Variants in PRR5L observed in about 807,000 individuals in gnomAD.
PRR5L encodes proline rich 5 like, also known as proline-rich protein 5-like.
In PRR5L, 21 loss-of-function variants were observed where a neutral mutation model predicts 36.4. That is an observed-to-expected ratio of 0.58 (90% confidence interval 0.41 to 0.83). PRR5L has a LOEUF of 0.83. Among genes scored for constraint, PRR5L ranks in the 40% least tolerant of loss-of-function variants. The pLI, the probability that PRR5L is intolerant of heterozygous loss-of-function variation, is 0.00. For missense variants in PRR5L, 381 were observed against 473.3 expected, an observed-to-expected ratio of 0.80 and a Z score of 1.81; for synonymous variants, 188 against 197.0, an observed-to-expected ratio of 0.95 and a Z score of 0.38.
At chr11:36,390,168 G>A (rs2133541785) in intron 1 of PRR5L, among the ~76,000 whole-genome samples, 1 of 152,336 alleles carries the variant, frequency 6.6e-6, no homozygotes, top group East Asian at 1.9e-4. Context: ...CTCTGGGGTG[G>A]TGGAACCTAA....
chr11:36,371,674 G>T (rs1029423806), intron 1 of PRR5L, among the ~76,000 whole-genome samples: 9 of 152,194 alleles, frequency 5.9e-5, no homozygotes, highest in Admixed American at 5.9e-4. Flanking sequence ...AGACACTAGG[G>T]TTATTGTGGA....
intron 1 of PRR5L, chr11:36,376,341 A>C (rs1857259385): frequency 3.1e-6 from 3 of 979,448 alleles, no homozygotes; most frequent in African/African-American, 2.4e-5. Context: ...GGGGAGGAGG[A>C]GGAAGAGGAG....
At chr11:36,451,099 C>T in intron 7 of PRR5L, 110 bp from the exon 8 acceptor site, 1 of 1,350,804 alleles carries the variant, frequency 7.4e-7, no homozygotes, top group Non-Finnish European at 1.0e-6. Flanking sequence ...TGCCTGCCAG[C>T]AACACAGCCT....
intron 5 of PRR5L, among the ~76,000 whole-genome samples, chr11:36,432,275 T>A (rs1202011026): frequency 6.6e-6 from 1 of 152,174 alleles, no homozygotes; most frequent in Non-Finnish European, 1.5e-5. Flanking sequence ...CTCTGGTCTG[T>A]CCCGAGCTAT....
intron 1 of PRR5L, among the ~76,000 whole-genome samples, chr11:36,358,863 C>T (rs1857055998): frequency 6.6e-6 from 1 of 152,194 alleles, no homozygotes; most frequent in African/African-American, 2.4e-5. Flanking sequence ...ATACTTCATA[C>T]ATCTGGGAGG....
At chr11:36,428,360 A>G (rs1590577924) in intron 4 of PRR5L, among the ~76,000 whole-genome samples, 3 of 152,338 alleles carry the variant, frequency 2.0e-5, no homozygotes, top group Admixed American at 2.0e-4. Context: ...AGAGCACCCA[A>G]CTGCAAGTGG....
At chr11:36,433,059 C>T (rs558012351) in intron 5 of PRR5L, among the ~76,000 whole-genome samples, 2 of 151,862 alleles carry the variant, frequency 1.3e-5, no homozygotes, top group Non-Finnish European at 2.9e-5. Context: ...TTATAAATAC[C>T]CAATAACCCA....
intron 8 of PRR5L, among the ~76,000 whole-genome samples, chr11:36,460,587 T>A (rs1197072020): frequency 1.3e-5 from 2 of 152,220 alleles, no homozygotes; most frequent in Non-Finnish European, 2.9e-5. Flanking sequence ...GACACTGATG[T>A]TAGCATTACC....
chr11:36,408,015 C>T lies in PRR5L; in HGVS notation c.245+4637C>T, dbSNP rs948244897. On this transcript the variant is annotated intron_variant, in intron 3 of 8. Transcript: ENST00000530639. The stretch of plus-strand genomic sequence containing the variant: ...TCAGGCCAGGTGCGGTGGCTCACCC[C>T]GTAGTCCCAGAACTTTGAGAGGCCA... 1.4e-4 allele frequency among the ~76,000 whole-genome samples: 22 copies of T among 152,228 alleles called. No individual in the cohort carries two copies. In the East Asian group the frequency reaches 3.1e-3, roughly 21 times the overall value.
intron 7 of PRR5L, among the ~76,000 whole-genome samples, chr11:36,447,979 C>G (rs762903432): frequency 3.3e-5 from 5 of 152,188 alleles, no homozygotes; most frequent in African/African-American, 1.2e-4. Context: ...AGTTGGGCTC[C>G]CATCTTCCCA....
intron 5 of PRR5L, among the ~76,000 whole-genome samples, chr11:36,432,501 C>T (rs1276833731): frequency 6.6e-6 from 1 of 152,156 alleles, no homozygotes; most frequent in African/African-American, 2.4e-5. Context: ...TTAGCCAACC[C>T]CATGACTCTA....
intron 1 of PRR5L, among the ~76,000 whole-genome samples, chr11:36,341,862 G>C (rs527994474): frequency 2.6e-5 from 4 of 152,262 alleles, no homozygotes; most frequent in Admixed American, 2.6e-4. Flanking sequence ...TAATGGCTCT[G>C]GAATATCCAA....
chr11:36,416,252 G>A (rs1198324176), intron 3 of PRR5L, among the ~76,000 whole-genome samples: 1 of 152,206 alleles, frequency 6.6e-6, no homozygotes, highest in African/African-American at 2.4e-5. Context: ...GCAGGATTTT[G>A]TAAGGGATAA....
intron 1 of PRR5L, among the ~76,000 whole-genome samples, chr11:36,302,625 A>C (rs1035223424): frequency 2.0e-5 from 3 of 152,010 alleles, no homozygotes; most frequent in Non-Finnish European, 4.4e-5. Context: ...ATCTCTACTA[A>C]ACATACAAAA....
intron 1 of PRR5L, among the ~76,000 whole-genome samples, chr11:36,328,416 C>T (rs996664135): frequency 1.3e-5 from 2 of 152,064 alleles, no homozygotes; most frequent in Non-Finnish European, 2.9e-5. Flanking sequence ...ATAGAGTTCC[C>T]ACAAGATTTG....
intron 3 of PRR5L, among the ~76,000 whole-genome samples, chr11:36,416,580 C>T (rs564887933): frequency 6.6e-5 from 10 of 152,196 alleles, no homozygotes; most frequent in Non-Finnish European, 1.0e-4. Context: ...CCATCTCATC[C>T]CCCCTGTTAC....
At chr11:36,314,982 AC>A (rs1856540659) in intron 1 of PRR5L, among the ~76,000 whole-genome samples, 2 of 152,374 alleles carry the variant, frequency 1.3e-5, no homozygotes, top group South Asian at 4.1e-4. Context: ...TAATAGCATC[AC>A]AATGTATGCT....
intron 8 of PRR5L, chr11:36,455,225 G>C (rs1859028112): frequency 6.6e-6 from 1 of 152,460 alleles, no homozygotes; most frequent in African/African-American, 2.4e-5. Flanking sequence ...CACGGGCTTG[G>C]TGTGCTGGGG....
At position 36,464,833 on chromosome 11, in the gene PRR5L, A is replaced by C. The variant is rs1859263403; in HGVS notation, c.*2097A>C. On this transcript the variant is annotated 3_prime_UTR_variant, in exon 9 of 9. Transcript: ENST00000530639. ...AGAGCAGTCATCAATTAAATATATA[A>C]GCTCTTAAAATGAGAATGGAAGTGT... The C allele has an allele frequency of 6.6e-6, 1 of 152,258 alleles. No homozygotes were observed. Among genetic ancestry groups the C allele is most frequent in the South Asian group, 2.1e-4 (1 of 4,836 alleles). 9.4% of individuals were successfully genotyped at this position (152,258 alleles called of 1,614,324 possible). A position where few individuals can be genotyped will look rare whatever the true frequency, so the allele number is the denominator to read the frequency against.
Sources: gnomAD v4.1 joint callset for allele counts (sites outside exome capture counted in the v4.1 genomes callset) on GRCh38, gnomAD v4.1.1 for gene constraint, MANE v1.5 for transcripts, NCBI Gene and HGNC (gene_info 2026-07-23, HGNC 2026-07-21) for gene names.